TNFSF4: variants seen among roughly 807,000 people sequenced by gnomAD.
TNFSF4 encodes the protein TNF superfamily member 4.
In TNFSF4, 4 loss-of-function variants were observed where a neutral mutation model predicts 7.3. That is an observed-to-expected ratio of 0.55 (90% CI 0.27 to 1.25). The LOEUF is 1.25. TNFSF4 is among the 50% of genes most tolerant of loss of function. The pLI, the probability that TNFSF4 is intolerant of heterozygous loss-of-function variation, is 0.12. For missense variants in TNFSF4, 181 were observed against 208.8 expected, an observed-to-expected ratio of 0.87 and a Z score of 0.82; for synonymous variants, 76 against 83.7, an observed-to-expected ratio of 0.91 and a Z score of 0.50.
chr1:173,373,892 AT>A, the TNFSF4 span, among the ~76,000 whole-genome samples: 2 of 152,232 alleles, frequency 1.3e-5, no homozygotes, highest in African/African-American at 4.8e-5. Flanking sequence ...TTCCCCAAAG[AT>A]TATAAAGTGA....
At chr1:173,378,424 T>C in the TNFSF4 span, among the ~76,000 whole-genome samples, 2 of 152,160 alleles carry the variant, frequency 1.3e-5, no homozygotes, top group Admixed American at 6.5e-5. Context: ...CCACGGGCGG[T>C]TTGTCTTTCA....
At chr1:173,209,928 T>G (rs907450999), upstream of TNFSF4, among the ~76,000 whole-genome samples, 1 of 152,058 alleles carries the variant, frequency 6.6e-6, no homozygotes, top group Non-Finnish European at 1.5e-5. Flanking sequence ...ACTATTAACC[T>G]CCTAAATGAA....
chr1:173,372,217 C>G, the TNFSF4 span, among the ~76,000 whole-genome samples: 2 of 152,168 alleles, frequency 1.3e-5, no homozygotes, highest in East Asian at 3.8e-4. Flanking sequence ...CACCCTAAGA[C>G]ATTAAAACAG....
chr1:173,441,976 G>A, the TNFSF4 span: 1 of 152,224 alleles, frequency 6.6e-6, no homozygotes, highest in Non-Finnish European at 1.5e-5. Flanking sequence ...CAAAAAGGTG[G>A]ATCAAAATGC....
At chr1:173,294,062 T>A in the TNFSF4 span, among the ~76,000 whole-genome samples, 1 of 152,088 alleles carries the variant, frequency 6.6e-6, no homozygotes, top group Non-Finnish European at 1.5e-5. Flanking sequence ...CTCAAAGAAC[T>A]GCAAACAGAA....
the TNFSF4 span, among the ~76,000 whole-genome samples, chr1:173,365,330 T>A: frequency 3.3e-5 from 5 of 152,354 alleles, no homozygotes; most frequent in African/African-American, 1.2e-4. Context: ...AGCAACATTA[T>A]TTAGTGTTTC....
At chr1:173,430,332 CCT>C in the TNFSF4 span, among the ~76,000 whole-genome samples, 5 of 152,222 alleles carry the variant, frequency 3.3e-5, no homozygotes, top group South Asian at 1.0e-3. Context: ...GCTCAACAAT[CCT>C]TTTTTACACT....
chr1:173,309,055 T>C, the TNFSF4 span, among the ~76,000 whole-genome samples: 1 of 151,960 alleles, frequency 6.6e-6, no homozygotes, highest in Non-Finnish European at 1.5e-5. Context: ...TGCTAGAAGA[T>C]CTTATGGGGT....
chr1:173,251,559 G>A, the TNFSF4 span, among the ~76,000 whole-genome samples: 33 of 152,212 alleles, frequency 2.2e-4, no homozygotes, highest in Non-Finnish European at 3.4e-4. Flanking sequence ...GCCAGGGGGA[G>A]GGTATGTGAG....
At chr1:173,419,077 C>T in the TNFSF4 span, among the ~76,000 whole-genome samples, 2 of 152,202 alleles carry the variant, frequency 1.3e-5, no homozygotes, top group South Asian at 2.1e-4. Context: ...CTGTGGCTCA[C>T]GCCTGTAATC....
At chr1:173,226,318 G>A in the TNFSF4 span, among the ~76,000 whole-genome samples, 1 of 152,166 alleles carries the variant, frequency 6.6e-6, no homozygotes, top group Admixed American at 6.5e-5. Context: ...TGGAATGTGG[G>A]GGGATGTGAT....
At chr1:173,178,552 C>T in the TNFSF4 span, among the ~76,000 whole-genome samples, 1,727 of 151,896 alleles carry the variant, frequency 0.011, 10 homozygotes, top group Non-Finnish European at 0.016. Context: ...CCAGCCTGGG[C>T]GACAGAGACA....
chr1:173,408,262 C>A, the TNFSF4 span, among the ~76,000 whole-genome samples: 2,075 of 151,974 alleles, frequency 0.014, 59 homozygotes, highest in African/African-American at 0.048. Context: ...TTCCAGAAGG[C>A]AAGGACATGT....
At chr1:173,231,918 T>C in the TNFSF4 span, among the ~76,000 whole-genome samples, 2 of 152,110 alleles carry the variant, frequency 1.3e-5, no homozygotes, top group South Asian at 2.1e-4. Context: ...TCCAGCTTTG[T>C]TCTTTTGGCT....
the TNFSF4 span, among the ~76,000 whole-genome samples, chr1:173,273,023 A>G: frequency 6.6e-6 from 1 of 152,154 alleles, no homozygotes; most frequent in Non-Finnish European, 1.5e-5. Flanking sequence ...CAGTTAAGAC[A>G]TATGTGAGGC....
At chr1:173,206,874 C>T (rs1037823609) in intron 1 of TNFSF4, 150 bp downstream of exon 1, 6 of 844,602 alleles carry the variant, frequency 7.1e-6, no homozygotes, top group East Asian at 2.8e-5. Context: ...GACAGAAGGG[C>T]GTTTAACCAC....
the TNFSF4 span, chr1:173,363,658 T>G: frequency 2.8e-6 from 1 of 353,590 alleles, no homozygotes; most frequent in Non-Finnish European, 5.5e-6. Context: ...AGATGAAGAA[T>G]GCTGAACAGG....
chr1:173,359,033 T>C, the TNFSF4 span, among the ~76,000 whole-genome samples: 1 of 152,212 alleles, frequency 6.6e-6, no homozygotes, highest in Non-Finnish European at 1.5e-5. Flanking sequence ...CCTTTAAAAA[T>C]AAACTCAATT....
the TNFSF4 span, among the ~76,000 whole-genome samples, chr1:173,417,343 A>G: frequency 1.3e-5 from 2 of 152,258 alleles, no homozygotes; most frequent in Non-Finnish European, 2.9e-5. Context: ...TAACAAATGT[A>G]AAGCTCTTAG....
Sources: allele counts gnomAD v4.1 joint callset (sites outside exome capture counted in the v4.1 genomes callset), GRCh38; gene constraint gnomAD v4.1.1; transcripts MANE v1.5; gene names NCBI Gene and HGNC (gene_info 2026-07-23, HGNC 2026-07-21).